IL20RA: variants seen among roughly 807,000 people sequenced by gnomAD.
The protein encoded by IL20RA is interleukin 20 receptor subunit alpha.
IL20RA carries 29 observed loss-of-function variants against 36.5 expected under a neutral mutation model. The observed-to-expected ratio is 0.79, with a 90% CI of 0.59 to 1.08. The LOEUF (loss-of-function observed/expected upper bound fraction) is 1.08, where lower values mean the gene tolerates loss of function less well. Among genes scored for constraint, IL20RA ranks in the 50% least tolerant of loss-of-function variants. The pLI, the probability that IL20RA is intolerant of heterozygous loss-of-function variation, is 0.00. For missense variants in IL20RA, 652 were observed against 668.4 expected, an observed-to-expected ratio of 0.98 and a Z score of 0.27; for synonymous variants, 279 against 267.1, an observed-to-expected ratio of 1.04 and a Z score of -0.43.
chr6:137,011,358 G>C lies in IL20RA; in HGVS notation c.319C>G (p.Gln107Glu), dbSNP rs142983578. Residue 107 changes from glutamine (Q) to glutamate (E), a missense_variant, in exon 3 of 7, where the codon CAG (glutamine) becomes GAG (glutamate). Gln to Glu is a conservative substitution (Grantham distance 29). Coordinates refer to ENST00000316649, the MANE Select transcript of IL20RA (RefSeq NM_014432.4). ...ATGGCCTTAACTTTGGCATAATACT[G>C]GTGTTCGTAGTCAGAAGTTTCAGCA... ...LSAETSDYEH[Q>E]YYAKVKAIWG... is the part of the protein sequence containing the mutation. The C allele has an allele frequency of 3.2e-5, 52 of 1,613,266 alleles. No homozygotes were observed. The highest frequency in any genetic ancestry group is 4.2e-5 in the Non-Finnish European group (50 of 1,179,244).
At chr6:137,009,259 T>C (rs754751581) in intron 4 of IL20RA, 58 bp downstream of exon 4, 10 of 1,389,876 alleles carry the variant, frequency 7.2e-6, no homozygotes, top group Non-Finnish European at 9.2e-6. Context: ...GGTTGTTTGT[T>C]CCCACATTAG....
chr6:137,007,469 G>A (rs35819763), intron 5 of IL20RA, among the ~76,000 whole-genome samples: 2,907 of 152,284 alleles, frequency 0.019, 89 homozygotes, highest in African/African-American at 0.067. Context: ...GGTGGAGGTC[G>A]TCGGCCTCTG....
chr6:137,041,351 T>C lies in IL20RA; in HGVS notation c.88+3290A>G, dbSNP rs146562967. On this transcript the variant is annotated intron_variant, in intron 1 of 6. Coordinates refer to ENST00000316649, the MANE Select transcript of IL20RA (RefSeq NM_014432.4). ...AGTTTAGTGAGTAGCACTATACCAG[T>C]GTTAATTTCCTGGTCTGAACATTGT... 6.6e-3 allele frequency among the ~76,000 whole-genome samples: 999 copies of C among 152,322 alleles called. 5 individuals carry two copies. The highest frequency in any genetic ancestry group is 0.011 in the Non-Finnish European group (768 of 68,012).
rs1582813599 is a variant in IL20RA, at chr6:137,001,499, A to G, written c.*59T>C. On this transcript the variant is annotated 3_prime_UTR_variant, in exon 7 of 7. Coordinates refer to ENST00000316649, the MANE Select transcript of IL20RA (RefSeq NM_014432.4). ...TCATCCCAGGTACTTTATGGCTGGG[A>G]TCAAAGGGGTGACTCACTTGTTTGC... 97 of 1,455,454 alleles carry G rather than the reference A, an allele frequency of 6.7e-5. No homozygotes were observed. The highest frequency in any genetic ancestry group is 5.7e-5 in the African/African-American group (4 of 70,584). 90.2% of individuals were successfully genotyped at this position (1,455,454 alleles called of 1,614,324 possible). A position where few individuals can be genotyped will look rare whatever the true frequency, so the allele number is the denominator to read the frequency against.
chr6:137,008,452 C>T (rs888427164), intron 5 of IL20RA, 147 bp downstream of exon 5: 17 of 760,438 alleles, frequency 2.2e-5, no homozygotes, highest in Admixed American at 2.9e-5. Flanking sequence ...GGCTGCTCCA[C>T]GCATTTCTGG....
chr6:137,008,397 T>C (rs918030876), intron 5 of IL20RA, among the ~76,000 whole-genome samples: 1 of 152,186 alleles, frequency 6.6e-6, no homozygotes, highest in African/African-American at 2.4e-5. Flanking sequence ...TCCGAGGGTG[T>C]GAGAACACTT....
At chr6:137,016,248 G>C (rs542520211) in intron 2 of IL20RA, among the ~76,000 whole-genome samples, 1 of 152,308 alleles carries the variant, frequency 6.6e-6, no homozygotes, top group East Asian at 1.9e-4. Context: ...CACCCAGCTG[G>C]GGCTCCATGG....
chr6:137,041,787 T>C (rs189979947), intron 1 of IL20RA, among the ~76,000 whole-genome samples: 4 of 151,538 alleles, frequency 2.6e-5, no homozygotes, highest in African/African-American at 9.7e-5. Context: ...CTTTGGGGAT[T>C]TAGGGAAGAC....
In IL20RA at chr6:137,001,780, G is replaced by T; in HGVS notation, c.1440C>A (p.Val480=). 6.2e-7 allele frequency: 1 copy of T among 1,612,736 alleles called. No individual in the cohort carries two copies. The highest frequency in any genetic ancestry group is 8.5e-7 in the Non-Finnish European group (1 of 1,179,078). The change falls in exon 7 of 7, where the codon GTC becomes GTA. Residue 480 remains valine, a synonymous_variant. Transcript: ENST00000316649. ...GPEEEPSTTL[V]DWDPQTGRLC... ...GCCTGCCAGTTTGGGGATCCCAGTC[G>T]ACCAGGGTCGTCGATGGCTCTTCCT...
chr6:137,020,979 C>T (rs1007781252), intron 1 of IL20RA, among the ~76,000 whole-genome samples: 10 of 152,074 alleles, frequency 6.6e-5, no homozygotes, highest in Non-Finnish European at 1.2e-4. Flanking sequence ...TTGATATCAG[C>T]CCATCTCTAA....
Sources: allele counts gnomAD v4.1 joint callset (sites outside exome capture counted in the v4.1 genomes callset), GRCh38; gene constraint gnomAD v4.1.1; transcripts MANE v1.5; gene names NCBI Gene and HGNC (gene_info 2026-07-23, HGNC 2026-07-21).